Variants in SLC39A11 observed in about 807,000 individuals in gnomAD.
SLC39A11 encodes the protein solute carrier family 39 member 11.
A neutral mutation model predicts 36.1 loss-of-function variants in SLC39A11; 33 were observed. That is an observed-to-expected ratio of 0.91 (90% CI 0.69 to 1.22). The LOEUF (loss-of-function observed/expected upper bound fraction) is 1.22. Among genes scored for constraint, SLC39A11 ranks in the 50% most tolerant of loss-of-function variants. The pLI is 0.00. For missense variants in SLC39A11, 432 were observed against 430.3 expected (o/e 1.00, Z -0.03); for synonymous variants, 166 against 170.3 (o/e 0.97, Z 0.20).
chr17:73,077,753 G>A (rs1040181946), intron 3 of SLC39A11, among the ~76,000 whole-genome samples: 2 of 152,066 alleles, frequency 1.3e-5, no homozygotes, highest in Admixed American at 6.5e-5. Flanking sequence ...CTCCTCATTC[G>A]TGATAACACA....
chr17:72,958,608 T>G (rs1190596523), intron 4 of SLC39A11, among the ~76,000 whole-genome samples: 2 of 152,190 alleles, frequency 1.3e-5, no homozygotes. Context: ...CCCAGCACTT[T>G]GCGAGGCCAA....
At chr17:73,091,977 G>A (rs988436118) in intron 1 of SLC39A11, 2 of 152,224 alleles carry the variant, frequency 1.3e-5, no homozygotes, top group Admixed American at 6.6e-5. Context: ...TAGGGCTGCT[G>A]GGCCTTAGTG....
intron 4 of SLC39A11, among the ~76,000 whole-genome samples, chr17:73,022,392 C>T (rs1248962362): frequency 2.6e-5 from 4 of 152,038 alleles, no homozygotes; most frequent in Non-Finnish European, 5.9e-5. Flanking sequence ...GTCAGGAGTT[C>T]GAGACCAGCC....
At position 73,070,449 on chromosome 17, in the gene SLC39A11, G is replaced by A. The variant is rs188907306; in HGVS notation, c.147+14359C>T. On this transcript the variant is annotated intron_variant, in intron 3 of 9. Transcript: ENST00000255559. Reference sequence around the variant, plus strand: ...TCCAGAGCTCTTCTGACTGTGACCTGAACCCTAAGCATTAACTCAGTTGAA... The same window carrying A: ...TCCAGAGCTCTTCTGACTGTGACCTAAACCCTAAGCATTAACTCAGTTGAA... Among the ~76,000 whole-genome samples the A allele has an allele frequency of 2.6e-3, 398 of 152,184 alleles. 3 individuals carry two copies. The highest frequency in any genetic ancestry group is 8.9e-3 in the African/African-American group (371 of 41,524).
intron 5 of SLC39A11, among the ~76,000 whole-genome samples, chr17:72,910,455 C>G (rs530311093): frequency 7.9e-5 from 12 of 152,022 alleles, no homozygotes; most frequent in Middle Eastern, 3.4e-3. Flanking sequence ...GAAACCCCAT[C>G]TCTACTAAAA....
At chr17:72,782,773 G>T (rs1310209453) in intron 6 of SLC39A11, among the ~76,000 whole-genome samples, 1 of 151,004 alleles carries the variant, frequency 6.6e-6, no homozygotes, top group African/African-American at 2.4e-5. Context: ...GGCCAAGGCG[G>T]GTGGATCACC....
intron 6 of SLC39A11, among the ~76,000 whole-genome samples, chr17:72,793,325 T>A (rs2145108905): frequency 6.6e-6 from 1 of 152,278 alleles, no homozygotes; most frequent in East Asian, 1.9e-4. Context: ...GGCTGGCACA[T>A]CTTAAGTCCT....
chr17:72,768,719 C>T (rs2075832907), intron 6 of SLC39A11, among the ~76,000 whole-genome samples: 1 of 152,090 alleles, frequency 6.6e-6, no homozygotes, highest in Non-Finnish European at 1.5e-5. Context: ...TGCAAATGAG[C>T]AAGGTTACTT....
intron 4 of SLC39A11, among the ~76,000 whole-genome samples, chr17:72,951,661 C>T (rs1039569023): frequency 2.0e-5 from 3 of 152,100 alleles, no homozygotes; most frequent in Non-Finnish European, 4.4e-5. Context: ...TAATTCACAG[C>T]CATCCAAAAC....
intron 3 of SLC39A11, among the ~76,000 whole-genome samples, chr17:73,056,606 A>G (rs1401888736): frequency 6.6e-6 from 1 of 152,196 alleles, no homozygotes; most frequent in African/African-American, 2.4e-5. Context: ...CAAAGTCATG[A>G]CAAAGACGGG....
chr17:73,074,961 C>G (rs1388797564), intron 3 of SLC39A11, among the ~76,000 whole-genome samples: 1 of 152,190 alleles, frequency 6.6e-6, no homozygotes, highest in Non-Finnish European at 1.5e-5. Context: ...AGAATATGCA[C>G]TGATACAGAG....
At chr17:72,925,338 C>A (rs1196642182) in intron 5 of SLC39A11, among the ~76,000 whole-genome samples, 1 of 152,118 alleles carries the variant, frequency 6.6e-6, no homozygotes, top group Non-Finnish European at 1.5e-5. Flanking sequence ...TAGGTATCTT[C>A]CATGAGTCAG....
chr17:72,932,611 A>G (rs2084485448), intron 5 of SLC39A11, among the ~76,000 whole-genome samples: 1 of 152,070 alleles, frequency 6.6e-6, no homozygotes, highest in African/African-American at 2.4e-5. Flanking sequence ...AACATTCTCC[A>G]AAGTTTCCAA....
chr17:72,826,296 C>G (rs956885237), intron 6 of SLC39A11, among the ~76,000 whole-genome samples: 1 of 152,170 alleles, frequency 6.6e-6, no homozygotes, highest in Non-Finnish European at 1.5e-5. Context: ...TCCTCTTCAC[C>G]TTCCACCATG....
chr17:72,766,151 G>A (rs1304281332), intron 6 of SLC39A11, among the ~76,000 whole-genome samples: 1 of 152,132 alleles, frequency 6.6e-6, no homozygotes, highest in Non-Finnish European at 1.5e-5. Flanking sequence ...ACCAGGGAGG[G>A]TGAGAATGAC....
intron 3 of SLC39A11, among the ~76,000 whole-genome samples, chr17:73,040,030 G>C (rs2059057594): frequency 6.6e-6 from 1 of 152,198 alleles, no homozygotes; most frequent in African/African-American, 2.4e-5. Context: ...TCCCAAAGCT[G>C]AAGTCCGAGA....
chr17:72,820,607 A>G (rs1413728354), intron 6 of SLC39A11, among the ~76,000 whole-genome samples: 2 of 151,294 alleles, frequency 1.3e-5, no homozygotes, highest in Admixed American at 1.3e-4. Flanking sequence ...TTGTCAGGAA[A>G]AAGTCATTAT....
chr17:72,717,118 G>GTATATACTTATATGTGTATGTATATGTA (rs1567979336), intron 7 of SLC39A11, among the ~76,000 whole-genome samples: 2 of 120,906 alleles, frequency 1.7e-5, no homozygotes, highest in Admixed American at 1.6e-4. Flanking sequence ...ATGTATATAT[G>GTATATACTTATATGTGTATGTATATGTA]TATATATGTA....
At chr17:72,815,742 C>T (rs190854531) in intron 6 of SLC39A11, among the ~76,000 whole-genome samples, 4 of 151,984 alleles carry the variant, frequency 2.6e-5, no homozygotes, top group East Asian at 1.9e-4. Context: ...GCCAACATGG[C>T]GAAACCCTGC....
Sources: allele counts gnomAD v4.1 joint callset (sites outside exome capture counted in the v4.1 genomes callset), GRCh38; gene constraint gnomAD v4.1.1; transcripts MANE v1.5; gene names NCBI Gene and HGNC (gene_info 2026-07-23, HGNC 2026-07-21).